The following ARMC3 variants were observed in gnomAD, a reference collection of about 807,000 sequenced individuals.
The protein encoded by ARMC3 is armadillo repeat-containing protein 3.
In ARMC3, 74 loss-of-function variants were observed where a neutral mutation model predicts 90.3. The ratio of observed to expected loss-of-function variants is 0.82; its 90% CI spans 0.68 to 0.99. The LOEUF (loss-of-function observed/expected upper bound fraction) is 0.99. Ranked by LOEUF, ARMC3 falls within the 50% of genes least tolerant of loss-of-function variation. ARMC3 has a pLI of 0.00. For missense variants in ARMC3, 958 were observed against 1,042.8 expected (o/e 0.92, Z 1.12); for synonymous variants, 334 against 361.8 (o/e 0.92, Z 0.87).
intron 2 of ARMC3, among the ~76,000 whole-genome samples, chr10:22,939,537 C>T (rs572348138): frequency 6.6e-6 from 1 of 152,272 alleles, no homozygotes; most frequent in South Asian, 2.1e-4. Flanking sequence ...AACTATCCAG[C>T]CCTATAGAAA....
rs577386060 is a variant in ARMC3 at position 23,037,610 on chromosome 10, G to C, written c.*131G>C. ...AAAGTATTAGAAATGTTTTCTCTGCGTAGAAATTAGGAAGCTTGGAGTGAA... is the reference window on the plus strand; with the variant it reads ...AAAGTATTAGAAATGTTTTCTCTGCCTAGAAATTAGGAAGCTTGGAGTGAA... On this transcript the variant is annotated 3_prime_UTR_variant, in exon 19 of 19. Coordinates refer to ENST00000298032, the MANE Select transcript of ARMC3 (RefSeq NM_173081.5). 1 of 887,986 alleles carries C rather than the reference G, an allele frequency of 1.1e-6. No homozygotes were observed. The highest frequency in any genetic ancestry group is 3.2e-5 in the Admixed American group (1 of 31,216). The allele number at this position is 887,986 out of a possible 1,614,324, so 55.0% of individuals were successfully genotyped here. A position where few individuals can be genotyped will look rare whatever the true frequency, so the allele number is the denominator to read the frequency against.
chr10:22,952,701 C>G (rs972890496), intron 3 of ARMC3, among the ~76,000 whole-genome samples: 1 of 151,390 alleles, frequency 6.6e-6, no homozygotes, highest in African/African-American at 2.5e-5. Context: ...TGTATAAAGG[C>G]CCAAACAGCA....
At chr10:22,934,322 A>T (rs1171138) in intron 2 of ARMC3, among the ~76,000 whole-genome samples, 28,647 of 152,134 alleles carry the variant, frequency 0.19, 3,369 homozygotes, top group East Asian at 0.45. Context: ...ACATTAATAT[A>T]TGCAGATATA....
intron 2 of ARMC3, among the ~76,000 whole-genome samples, chr10:22,940,438 C>T (rs1588814949): frequency 1.3e-5 from 2 of 152,208 alleles, no homozygotes; most frequent in East Asian, 3.8e-4. Context: ...GATACAGATA[C>T]ATTGCTGGCA....
In ARMC3 at chr10:23,002,094, G is replaced by A. The variant is rs1267036709; in HGVS notation, c.1562+39G>A. On this transcript the variant is annotated intron_variant, in intron 12 of 18. Transcript: ENST00000298032. ...ATCTCAAGTTTCTGGCTCAGATGAAGAGCAGAAGACGGAGAGGCACACTCT... is the reference window on the plus strand; with the variant it reads ...ATCTCAAGTTTCTGGCTCAGATGAAAAGCAGAAGACGGAGAGGCACACTCT... 3.7e-6 allele frequency: 6 copies of A among 1,606,958 alleles called. 1 individual carries two copies. In the African/African-American group the frequency reaches 8.0e-5, roughly 22 times the overall value.
chr10:23,006,809 A>G lies in ARMC3; in HGVS notation c.1732-75A>G. On this transcript the variant is annotated intron_variant, in intron 13 of 18. Coordinates refer to ENST00000298032, the MANE Select transcript of ARMC3 (RefSeq NM_173081.5). ...TGAGACACCGCAAACAGCTGAGAAT[A>G]TATTCTATCTGTATTCATTTTCGAA... The G allele has an allele frequency of 2.6e-6, 3 of 1,168,578 alleles. 1 individual carries two copies. The highest frequency in any genetic ancestry group is 2.5e-5 in the South Asian group (2 of 81,612). 72.4% of individuals were successfully genotyped at this position (1,168,578 alleles called of 1,614,324 possible). A position where few individuals can be genotyped will look rare whatever the true frequency, so the allele number is the denominator to read the frequency against.
intron 10 of ARMC3, among the ~76,000 whole-genome samples, chr10:22,982,570 A>G (rs1384009469): frequency 1.3e-5 from 2 of 152,228 alleles, no homozygotes; most frequent in Non-Finnish European, 2.9e-5. Context: ...TCCCAGGTAC[A>G]CATTTTTATC....
At chr10:23,030,849 C>T in intron 17 of ARMC3, 53 bp downstream of exon 17, 2 of 1,570,728 alleles carry the variant, frequency 1.3e-6, no homozygotes, top group Non-Finnish European at 1.7e-6. Flanking sequence ...ATTTTAGTGT[C>T]ATATACATTT....
At chr10:23,024,832 C>A (rs1421649791) in intron 16 of ARMC3, among the ~76,000 whole-genome samples, 1 of 152,160 alleles carries the variant, frequency 6.6e-6, no homozygotes, top group Admixed American at 6.6e-5. Flanking sequence ...TATGATCCGA[C>A]TGTATGCTGT....
At position 22,932,010 on chromosome 10, in the gene ARMC3, TAAAG is replaced by T. The variant is rs781599373; in HGVS notation, c.17_20del (p.Lys6ArgfsTer3). ...TCTTTTTCCAGGATGGGTAAAAAGA[TAAAG>T]AAGGAAGTAGAGCCTCCTCCTAAGG... On this transcript the variant is annotated frameshift_variant, in exon 2 of 19. Coordinates refer to ENST00000298032, the MANE Select transcript of ARMC3 (RefSeq NM_173081.5). LOFTEE classifies it high-confidence loss of function. 1.3e-5 allele frequency: 21 copies of T among 1,606,340 alleles called. No individual in the cohort carries two copies. Among genetic ancestry groups the T allele is most frequent in the East Asian group, 2.2e-5 (1 of 44,714 alleles).
At chr10:22,946,598 C>G (rs1290267072) in intron 3 of ARMC3, 1 of 175,226 alleles carries the variant, frequency 5.7e-6, no homozygotes, top group African/African-American at 2.4e-5. Context: ...GCTTATCATC[C>G]AAGTGGAAAA....
intron 16 of ARMC3, among the ~76,000 whole-genome samples, chr10:23,027,885 A>C (rs1202413506): frequency 6.6e-6 from 1 of 152,146 alleles, no homozygotes; most frequent in Non-Finnish European, 1.5e-5. Flanking sequence ...TCAAACCTGT[A>C]ATCGCAGCAT....
intron 13 of ARMC3, among the ~76,000 whole-genome samples, chr10:23,004,901 C>T (rs1376561045): frequency 6.6e-6 from 1 of 152,244 alleles, no homozygotes; most frequent in Middle Eastern, 3.4e-3. Flanking sequence ...GTTGCAGCAT[C>T]AGGACAAAGC....
At chr10:22,960,223 C>G (rs566601409) in intron 6 of ARMC3, 1 of 162,974 alleles carries the variant, frequency 6.1e-6, no homozygotes, top group Admixed American at 5.9e-5. Context: ...TTCTCTGCTG[C>G]TTAGATTCCT....
chr10:22,942,047 A>C (rs896614309), intron 2 of ARMC3, among the ~76,000 whole-genome samples: 2 of 152,218 alleles, frequency 1.3e-5, no homozygotes, highest in African/African-American at 2.4e-5. Flanking sequence ...ATCTGATGAA[A>C]AGACAGAGAG....
chr10:22,959,962 G>T, intron 6 of ARMC3: 1 of 380,520 alleles, frequency 2.6e-6, no homozygotes, highest in Non-Finnish European at 5.1e-6. Flanking sequence ...CTGAGATTTT[G>T]GTTTAGGCTT....
intron 11 of ARMC3, among the ~76,000 whole-genome samples, chr10:22,999,131 T>C (rs143237899): frequency 3.2e-4 from 48 of 151,144 alleles, no homozygotes; most frequent in Admixed American, 2.9e-3. Context: ...TGTGGGTTAT[T>C]ATATGTACTC....
intron 6 of ARMC3, chr10:22,961,460 C>G (rs989351990): frequency 6.1e-6 from 1 of 163,918 alleles, no homozygotes; most frequent in African/African-American, 2.4e-5. Flanking sequence ...GGCCTGTCAA[C>G]AGTACTGCAT....
At chr10:22,932,820 A>G (rs1833981771) in intron 2 of ARMC3, among the ~76,000 whole-genome samples, 1 of 152,216 alleles carries the variant, frequency 6.6e-6, no homozygotes, top group Non-Finnish European at 1.5e-5. Flanking sequence ...TTTGTGGTTA[A>G]GACACTGGGG....
Sources: gnomAD v4.1 joint callset for allele counts (sites outside exome capture counted in the v4.1 genomes callset) on GRCh38, gnomAD v4.1.1 for gene constraint, MANE v1.5 for transcripts, NCBI Gene and HGNC (gene_info 2026-07-23, HGNC 2026-07-21) for gene names.